The following HEATR4 variants were observed in gnomAD, a reference collection of about 807,000 sequenced individuals.
The protein encoded by HEATR4 is HEAT repeat-containing protein 4.
HEATR4 carries 95 observed loss-of-function variants against 108.8 expected under a neutral mutation model. The observed-to-expected ratio is 0.87, with a 90% CI of 0.74 to 1.04. The LOEUF (loss-of-function observed/expected upper bound fraction) is 1.04. Among genes scored for constraint, HEATR4 ranks in the 50% least tolerant of loss-of-function variants. The pLI, the probability that HEATR4 is intolerant of heterozygous loss-of-function variation, is 0.00. For missense variants in HEATR4, 1,152 were observed against 1,253.8 expected, an observed-to-expected ratio of 0.92 and a Z score of 1.23; for synonymous variants, 443 against 459.4, an observed-to-expected ratio of 0.96 and a Z score of 0.46.
At chr14:73,562,952 C>T (rs1245277426), upstream of HEATR4, among the ~76,000 whole-genome samples, 1 of 152,034 alleles carries the variant, frequency 6.6e-6, no homozygotes, top group Non-Finnish European at 1.5e-5. Context: ...TCTGCTTTTG[C>T]CCTTTGTCCT....
At chr14:73,507,558 T>C (rs940625530) in intron 9 of HEATR4, among the ~76,000 whole-genome samples, 1 of 151,166 alleles carries the variant, frequency 6.6e-6, no homozygotes, top group Non-Finnish European at 1.5e-5. Flanking sequence ...CTCAGCCTCT[T>C]GAGTAGCTAG....
chr14:73,576,294 A>C, the HEATR4 span, among the ~76,000 whole-genome samples: 2 of 152,060 alleles, frequency 1.3e-5, no homozygotes, highest in Non-Finnish European at 2.9e-5. Context: ...TAAACTGATT[A>C]CTAGTTAGAT....
In HEATR4 at chr14:73,492,025, C is replaced by T. The variant is rs780766062; in HGVS notation, c.2844+1041G>A. The T allele has an allele frequency of 1.5e-5, 25 of 1,613,892 alleles. No homozygotes were observed. Among genetic ancestry groups the T allele is most frequent in the Admixed American group, 1.2e-4 (7 of 59,994 alleles). ...ACCTCACGCCCCCTAACTCGCAGGG[C>T]TTTGCCCCCCACTACGACGACATCG... On this transcript the variant is annotated intron_variant, in intron 17 of 17. Coordinates refer to ENST00000553558, the MANE Select transcript of HEATR4 (RefSeq NM_001220484.1). This position sits in a 1 kb window ranked among gnomAD's most constrained non-coding sequence, Gnocchi z 4.9.
At chr14:73,525,611 G>A (rs918382197) in intron 2 of HEATR4, among the ~76,000 whole-genome samples, 3 of 152,114 alleles carry the variant, frequency 2.0e-5, no homozygotes, top group Non-Finnish European at 2.9e-5. Flanking sequence ...CCCCTCCAGC[G>A]ATTGTCTCCA....
chr14:73,508,428 A>T, intron 8 of HEATR4, 134 bp from the exon 9 acceptor site: 3 of 717,866 alleles, frequency 4.2e-6, no homozygotes, highest in Non-Finnish European at 7.0e-6. Flanking sequence ...GTCTAGAAAT[A>T]CAATTTCTTA....
At chr14:73,590,895 G>A in the HEATR4 span, among the ~76,000 whole-genome samples, 1 of 152,156 alleles carries the variant, frequency 6.6e-6, no homozygotes, top group Admixed American at 6.5e-5. Context: ...GTGCAGCGGC[G>A]GGCTGAAGGG....
Position 73,492,660 on chromosome 14 carries a change from T to C in HEATR4, c.2844+406A>G, listed in dbSNP as rs1272777278. 1 of 1,613,796 alleles carries C rather than the reference T, an allele frequency of 6.2e-7. No homozygotes were observed. The highest frequency in any genetic ancestry group is 8.5e-7 in the Non-Finnish European group (1 of 1,179,886). On this transcript the variant is annotated intron_variant, in intron 17 of 17. Transcript: ENST00000553558. The surrounding 1 kb of genome is among the most constrained non-coding windows in gnomAD (Gnocchi z 4.9). ...GCCCAGTTGACAACAGAAACAGAAGTCCATATGCTTCAGGATGGGATAGCT... is the reference window on the plus strand; with the variant it reads ...GCCCAGTTGACAACAGAAACAGAAGCCCATATGCTTCAGGATGGGATAGCT...
At chr14:73,541,441 C>A in intron 1 of HEATR4, 1 of 1,213,876 alleles carries the variant, frequency 8.2e-7, no homozygotes, top group Non-Finnish European at 1.1e-6. Flanking sequence ...AGAAACCATC[C>A]AACTGTTTCA....
chr14:73,594,676 A>AT, the HEATR4 span, among the ~76,000 whole-genome samples: 1 of 138,846 alleles, frequency 7.2e-6, no homozygotes, highest in East Asian at 2.2e-4. Context: ...TGGATAAGTT[A>AT]TTTATTTATT....
the HEATR4 span, among the ~76,000 whole-genome samples, chr14:73,565,092 T>G: frequency 5.9e-5 from 9 of 152,068 alleles, 1 homozygote; most frequent in Non-Finnish European, 8.8e-5. Flanking sequence ...TCTAATTTTT[T>G]CTCTATTAAA....
chr14:73,604,638 A>C, the HEATR4 span, among the ~76,000 whole-genome samples: 1 of 152,104 alleles, frequency 6.6e-6, no homozygotes, highest in African/African-American at 2.4e-5. Context: ...GGCATGCGCC[A>C]CCACACCTGG....
chr14:73,567,486 T>G, the HEATR4 span: 45,793 of 151,658 alleles, frequency 0.3, 7,100 homozygotes, highest in African/African-American at 0.35. Flanking sequence ...AACGAACCAA[T>G]CAGCACTTTG....
At chr14:73,597,593 T>TTC in the HEATR4 span, among the ~76,000 whole-genome samples, 98 of 54,068 alleles carry the variant, frequency 1.8e-3, no homozygotes, top group Non-Finnish European at 3.4e-3. Flanking sequence ...TTTCTTTTCT[T>TTC]TTTTTTTTTT....
At position 73,499,080 on chromosome 14, in the gene HEATR4, C is replaced by T. The variant is rs750514189; in HGVS notation, c.2347G>A (p.Ala783Thr). 8.1e-6 allele frequency: 13 copies of T among 1,614,068 alleles called. No individual in the cohort carries two copies. Among genetic ancestry groups the T allele is most frequent in the Non-Finnish European group, 1.1e-5 (13 of 1,179,932 alleles). ...ACTACTTCTATAATACCTCGAATGG[C>T]AAAGGCCTTGATTTTCCAGTAAGGA... ...RDPYWKIKAF[A>T]IRALGQIGQV... Residue 783 changes from alanine (A) to threonine (T), a missense_variant, in exon 13 of 18, where the codon GCC becomes ACC. Coordinates refer to ENST00000553558, the MANE Select transcript of HEATR4 (RefSeq NM_001220484.1).
chr14:73,549,501 G>T (rs1473549473), intron 1 of HEATR4, among the ~76,000 whole-genome samples: 1 of 123,196 alleles, frequency 8.1e-6, no homozygotes, highest in African/African-American at 2.7e-5. Flanking sequence ...TTGAGGCAAG[G>T]GGCAAAGCCA....
At position 73,508,268 on chromosome 14, in the gene HEATR4, C is replaced by T; in HGVS notation, c.1747G>A (p.Ala583Thr). 6.2e-7 allele frequency: 1 copy of T among 1,613,982 alleles called. No homozygotes were observed. Among genetic ancestry groups the T allele is most frequent in the African/African-American group, 1.3e-5 (1 of 75,022 alleles). Residue 583 changes from alanine to threonine, a missense_variant, in exon 9 of 18, where the codon GCT becomes ACT. Transcript: ENST00000553558. ...KGNSVDSWAA[A>T]QCLALEGTAT... ...GTACCTTCCAGAGCCAAGCACTGAG[C>T]TGCAGCCCAGCTATCCACACTGTTA...
chr14:73,548,758 C>T lies in HEATR4; in HGVS notation c.-152+9993G>A, dbSNP rs1209094214. Among the ~76,000 whole-genome samples the T allele has an allele frequency of 6.1e-5, 7 of 114,452 alleles. 3 individuals are homozygous for T. The highest frequency in any genetic ancestry group is 1.3e-4 in the Non-Finnish European group (7 of 52,502). 75.1% of individuals were successfully genotyped at this position (114,452 alleles called of 152,430 possible). A position where few individuals can be genotyped will look rare whatever the true frequency, so the allele number is the denominator to read the frequency against. ...AGTCTTAAGGTTTGAGGCTAAGCTG[C>T]TAACCTGCTTAGTTACACTCCCACC... On this transcript the variant is annotated intron_variant, in intron 1 of 17. Transcript: ENST00000553558.
chr14:73,588,916 C>A, the HEATR4 span, among the ~76,000 whole-genome samples: 1 of 150,736 alleles, frequency 6.6e-6, no homozygotes, highest in South Asian at 2.1e-4. Context: ...TTTTTTTTTA[C>A]GTTTTATATT....
chr14:73,518,054 C>T (rs985695970), intron 5 of HEATR4, among the ~76,000 whole-genome samples: 11 of 152,148 alleles, frequency 7.2e-5, no homozygotes, highest in Non-Finnish European at 1.3e-4. Flanking sequence ...CCACCGCACT[C>T]CAGCCTGGGC....
Sources: allele counts gnomAD v4.1 joint callset (sites outside exome capture counted in the v4.1 genomes callset), GRCh38; gene constraint gnomAD v4.1.1; non-coding constraint Gnocchi (gnomAD v3.1); transcripts MANE v1.5; gene names NCBI Gene and HGNC (gene_info 2026-07-23, HGNC 2026-07-21).